The following SGCZ variants were observed in gnomAD, a reference collection of about 807,000 sequenced individuals.
SGCZ encodes the protein zeta-sarcoglycan.
In SGCZ, 40 loss-of-function variants were observed where a neutral mutation model predicts 41.3. The ratio of observed to expected loss-of-function variants is 0.97; its 90% CI spans 0.75 to 1.26. SGCZ has a LOEUF of 1.26. Ranked by LOEUF, SGCZ falls within the 50% of genes most tolerant of loss-of-function variation. The probability of loss-of-function intolerance (pLI) is 0.00; values close to 1 mark genes in which losing one functional copy is unlikely to be tolerated. For missense variants in SGCZ, 552 were observed against 369.8 expected (o/e 1.49, Z -4.04); for synonymous variants, 206 against 137.5 (o/e 1.50, Z -3.49).
At chr8:15,099,112 C>T (rs1806503784) in intron 1 of SGCZ, among the ~76,000 whole-genome samples, 1 of 152,114 alleles carries the variant, frequency 6.6e-6, no homozygotes, top group Non-Finnish European at 1.5e-5. Flanking sequence ...TTTATTAAAC[C>T]ATGGTTTTTC....
At chr8:15,022,002 A>C (rs1189883641) in intron 1 of SGCZ, among the ~76,000 whole-genome samples, 1 of 152,198 alleles carries the variant, frequency 6.6e-6, no homozygotes, top group East Asian at 1.9e-4. Context: ...TTGTGCATAA[A>C]TTACCTTTCA....
At chr8:14,216,444 G>A (rs1034113770) in intron 4 of SGCZ, among the ~76,000 whole-genome samples, 6 of 152,208 alleles carry the variant, frequency 3.9e-5, no homozygotes, top group African/African-American at 1.2e-4. Context: ...CAAAGACAGT[G>A]AAAACAAAAC....
rs114244344 is a variant in SGCZ, at chr8:15,017,885, T to C, written c.39+219700A>G. Among the ~76,000 whole-genome samples, 1,284 of 152,210 alleles carry C rather than the reference T, an allele frequency of 8.4e-3. 22 individuals are homozygous for C. The highest frequency in any genetic ancestry group is 0.03 in the African/African-American group (1,226 of 41,530). On this transcript the variant is annotated intron_variant, in intron 1 of 7. Transcript: ENST00000382080. ...AACTGGTTTCTCACAAATGCTCTTA[T>C]CTCTTTGCAATTCAAAACTTTTTTT...
chr8:14,675,416 C>T (rs2117523273), intron 1 of SGCZ, among the ~76,000 whole-genome samples: 1 of 152,130 alleles, frequency 6.6e-6, no homozygotes, highest in Non-Finnish European at 1.5e-5. Flanking sequence ...ATGTAATTCA[C>T]ATATTAAATA....
chr8:15,185,071 A>G (rs1393240915), intron 1 of SGCZ, among the ~76,000 whole-genome samples: 1 of 152,154 alleles, frequency 6.6e-6, no homozygotes, highest in Non-Finnish European at 1.5e-5. Flanking sequence ...AAGGTGGAAA[A>G]TGGATCTCAA....
At chr8:15,129,039 G>C (rs1038839020) in intron 1 of SGCZ, among the ~76,000 whole-genome samples, 2 of 152,108 alleles carry the variant, frequency 1.3e-5, no homozygotes, top group East Asian at 1.9e-4. Flanking sequence ...CATAGTGGAA[G>C]CTATCTCCCT....
chr8:14,719,350 G>C (rs1002547666), intron 1 of SGCZ, among the ~76,000 whole-genome samples: 6 of 150,186 alleles, frequency 4.0e-5, no homozygotes, highest in Admixed American at 2.7e-4. Context: ...ATGATTTATA[G>C]TCCTTTGGGT....
intron 3 of SGCZ, among the ~76,000 whole-genome samples, chr8:14,281,413 A>T (rs908908340): frequency 3.3e-5 from 5 of 151,830 alleles, no homozygotes; most frequent in Non-Finnish European, 7.4e-5. Flanking sequence ...TGTCATTCTA[A>T]TTTTAAGCAA....
chr8:15,230,419 T>C (rs1801907060), intron 1 of SGCZ, among the ~76,000 whole-genome samples: 2 of 152,228 alleles, frequency 1.3e-5, no homozygotes, highest in Non-Finnish European at 2.9e-5. Flanking sequence ...TACTATCTGT[T>C]AACCTTGTGA....
intron 1 of SGCZ, among the ~76,000 whole-genome samples, chr8:14,818,720 C>T (rs1170497339): frequency 6.6e-6 from 1 of 151,786 alleles, no homozygotes; most frequent in East Asian, 1.9e-4. Flanking sequence ...ATGAGAAATT[C>T]AACAAAGAGA....
intron 2 of SGCZ, among the ~76,000 whole-genome samples, chr8:14,495,512 A>G (rs527988315): frequency 2.0e-5 from 3 of 152,314 alleles, no homozygotes; most frequent in Non-Finnish European, 4.4e-5. Flanking sequence ...GATCAGATTG[A>G]TCATATGTTT....
intron 1 of SGCZ, among the ~76,000 whole-genome samples, chr8:14,832,118 G>A (rs1368847822): frequency 2.6e-5 from 4 of 152,130 alleles, no homozygotes; most frequent in Non-Finnish European, 4.4e-5. Flanking sequence ...GCCTTCTTAA[G>A]TCACTATTGA....
rs544624390 is a variant in SGCZ, at chr8:14,264,546, C to A, written c.337-26867G>T. ...GTGCTGAACATGGGGCAACACAACA[C>A]CTGCAGACTAGTAACAAAAATGGGC... is the stretch of plus-strand genomic sequence containing the variant. On this transcript the variant is annotated intron_variant, in intron 3 of 7. Transcript: ENST00000382080. 3.8e-4 allele frequency among the ~76,000 whole-genome samples: 58 copies of A among 152,268 alleles called. 1 individual carries two copies. The highest frequency in any genetic ancestry group is 1.3e-3 in the African/African-American group (56 of 41,558).
chr8:15,024,882 G>C (rs1368446128), intron 1 of SGCZ, among the ~76,000 whole-genome samples: 2 of 151,940 alleles, frequency 1.3e-5, no homozygotes, highest in African/African-American at 2.4e-5. Flanking sequence ...CTTGCAGTGA[G>C]CCGAGATGGC....
intron 1 of SGCZ, among the ~76,000 whole-genome samples, chr8:15,092,279 T>C (rs1481610959): frequency 1.3e-5 from 2 of 152,206 alleles, no homozygotes; most frequent in Non-Finnish European, 2.9e-5. Context: ...AATCTTAACA[T>C]GCCAGAATTC....
intron 1 of SGCZ, among the ~76,000 whole-genome samples, chr8:14,623,939 G>C (rs1806365266): frequency 6.6e-6 from 1 of 152,116 alleles, no homozygotes. Flanking sequence ...TATTTTGTTA[G>C]GACACTGAAA....
At chr8:14,114,659 A>G (rs1019275398) in intron 5 of SGCZ, among the ~76,000 whole-genome samples, 2 of 152,048 alleles carry the variant, frequency 1.3e-5, no homozygotes, top group Non-Finnish European at 2.9e-5. Flanking sequence ...TGGTGATCAA[A>G]AGGAAAATGC....
chr8:14,900,250 C>G lies in SGCZ; in HGVS notation c.39+337335G>C, dbSNP rs561480176. On this transcript the variant is annotated intron_variant, in intron 1 of 7. Coordinates refer to ENST00000382080, the MANE Select transcript of SGCZ (RefSeq NM_139167.4). The stretch of plus-strand genomic sequence containing the variant: ...CGGTAATAGTAAATACTGAGCATAT[C>G]TTTAAGGCAAAAAGTACTGTCAGAA... Among the ~76,000 whole-genome samples, 170 of 152,166 alleles carry G rather than the reference C, an allele frequency of 1.1e-3. 2 individuals carry two copies. The highest frequency in any genetic ancestry group is 2.0e-3 in the Non-Finnish European group (133 of 68,008).
rs1482560394 is a variant in SGCZ at position 14,087,105 on chromosome 8, T to C, written c.*3338A>G. Among the ~76,000 whole-genome samples, 4 of 151,788 alleles carry C rather than the reference T, an allele frequency of 2.6e-5. No homozygotes were observed. In the East Asian group the frequency reaches 7.8e-4, roughly 29 times the overall value. ...AAGATTCCTAAGTTACAGTAAAATT[T>C]GAGGTGTATAATTGTCTTAAACTCT... On this transcript the variant is annotated 3_prime_UTR_variant, in exon 8 of 8. Coordinates refer to ENST00000382080, the MANE Select transcript of SGCZ (RefSeq NM_139167.4).
Sources: gnomAD v4.1 joint callset for allele counts (sites outside exome capture counted in the v4.1 genomes callset) on GRCh38, gnomAD v4.1.1 for gene constraint, MANE v1.5 for transcripts, NCBI Gene and HGNC (gene_info 2026-07-23, HGNC 2026-07-21) for gene names.